Variants in RALYL observed in about 807,000 individuals in gnomAD.
The protein encoded by RALYL is RALY RNA binding protein like.
In RALYL, 29 loss-of-function variants were observed where a neutral mutation model predicts 35.1. The ratio of observed to expected loss-of-function variants is 0.83; its 90% CI spans 0.61 to 1.13. RALYL has a LOEUF of 1.13. Ranked by LOEUF, RALYL falls within the 50% of genes most tolerant of loss-of-function variation. The pLI is 0.00. For missense variants in RALYL, 359 were observed against 360.4 expected (o/e 1.00, Z 0.03); for synonymous variants, 120 against 127.6 (o/e 0.94, Z 0.40).
chr8:84,541,176 C>T (rs2059996183), intron 2 of RALYL, among the ~76,000 whole-genome samples: 1 of 151,540 alleles, frequency 6.6e-6, no homozygotes, highest in Non-Finnish European at 1.5e-5. Flanking sequence ...TTCCTAACTT[C>T]ATGAATGAAG....
At chr8:84,745,542 T>G (rs1808414596) in intron 2 of RALYL, among the ~76,000 whole-genome samples, 1 of 152,032 alleles carries the variant, frequency 6.6e-6, no homozygotes, top group Non-Finnish European at 1.5e-5. Context: ...TGATTCACAG[T>G]GCAAAGAAAA....
intron 1 of RALYL, among the ~76,000 whole-genome samples, chr8:84,494,821 T>C (rs2055809002): frequency 1.3e-5 from 2 of 152,110 alleles, no homozygotes; most frequent in African/African-American, 4.8e-5. Context: ...GTTTTCTAAA[T>C]ATAGGATCGT....
At chr8:84,849,521 A>G (rs1835365973) in intron 4 of RALYL, among the ~76,000 whole-genome samples, 1 of 151,916 alleles carries the variant, frequency 6.6e-6, no homozygotes, top group Middle Eastern at 3.4e-3. Context: ...ATGAAAAACT[A>G]TGGTCTTCAT....
chr8:84,444,185 C>T (rs992332743), intron 1 of RALYL, among the ~76,000 whole-genome samples: 1 of 151,840 alleles, frequency 6.6e-6, no homozygotes, highest in South Asian at 2.1e-4. Context: ...AAATGTTAGC[C>T]GGGCATTGTG....
At position 84,867,962 on chromosome 8, in the gene RALYL, A is replaced by G. The variant is rs536257775; in HGVS notation, c.572-5322A>G. The stretch of plus-strand genomic sequence containing the variant: ...AATTTAAAAATGTGAGATAATTTCA[A>G]TATCAGGTGACAGAACATTTTTACT... On this transcript the variant is annotated intron_variant, in intron 6 of 8. Coordinates refer to ENST00000521268, the MANE Select transcript of RALYL (RefSeq NM_173848.7). Among the ~76,000 whole-genome samples the G allele has an allele frequency of 5.3e-5, 8 of 152,278 alleles. No homozygotes were observed. In the South Asian group the frequency reaches 1.5e-3, roughly 28 times the overall value.
intron 1 of RALYL, among the ~76,000 whole-genome samples, chr8:84,317,879 C>T (rs538586223): frequency 2.0e-5 from 3 of 152,192 alleles, no homozygotes; most frequent in African/African-American, 7.2e-5. Flanking sequence ...TCTTTTTATT[C>T]TCTCTTTCTA....
chr8:84,460,004 C>G (rs2050572635), intron 1 of RALYL, among the ~76,000 whole-genome samples: 1 of 151,596 alleles, frequency 6.6e-6, no homozygotes, highest in Non-Finnish European at 1.5e-5. Flanking sequence ...AAAACAGGAA[C>G]AAGGTTTAAA....
At chr8:84,651,166 G>A (rs868634341) in intron 2 of RALYL, among the ~76,000 whole-genome samples, 2,330 of 151,722 alleles carry the variant, frequency 0.015, 65 homozygotes, top group African/African-American at 0.05. Flanking sequence ...GCACATGTAT[G>A]CATATGTAAC....
intron 1 of RALYL, among the ~76,000 whole-genome samples, chr8:84,481,346 C>A (rs2054018119): frequency 6.6e-6 from 1 of 151,914 alleles, no homozygotes; most frequent in Admixed American, 6.6e-5. Context: ...TTGTTTGTTT[C>A]TGAGACAGGA....
chr8:84,301,364 G>T (rs73296710), intron 1 of RALYL, among the ~76,000 whole-genome samples: 1 of 151,776 alleles, frequency 6.6e-6, no homozygotes, highest in African/African-American at 2.4e-5. Flanking sequence ...ATATTTCTTG[G>T]GAAAGTCATC....
chr8:84,262,997 G>A (rs1832606234), intron 1 of RALYL, among the ~76,000 whole-genome samples: 1 of 152,082 alleles, frequency 6.6e-6, no homozygotes, highest in African/African-American at 2.4e-5. Context: ...ATTGAACTAA[G>A]TCTAGTGTTT....
intron 1 of RALYL, among the ~76,000 whole-genome samples, chr8:84,529,031 C>G (rs1337076520): frequency 1.3e-5 from 2 of 152,094 alleles, no homozygotes; most frequent in Admixed American, 6.5e-5. Context: ...ATAAAAACAA[C>G]TGCAAAATAT....
intron 8 of RALYL, among the ~76,000 whole-genome samples, chr8:84,893,827 T>G (rs1261115202): frequency 1.3e-5 from 2 of 152,206 alleles, no homozygotes; most frequent in African/African-American, 4.8e-5. Context: ...TGAATTCTAC[T>G]TATAATTACT....
intron 2 of RALYL, among the ~76,000 whole-genome samples, chr8:84,662,062 T>TA (rs1332255912): frequency 1.3e-5 from 2 of 152,046 alleles, no homozygotes; most frequent in Non-Finnish European, 2.9e-5. Flanking sequence ...AGTCAATACA[T>TA]AAAAAAGTTT....
chr8:84,423,004 G>A (rs1207722462), intron 1 of RALYL, among the ~76,000 whole-genome samples: 11 of 148,890 alleles, frequency 7.4e-5, no homozygotes, highest in African/African-American at 2.7e-4. Context: ...GTGGTGTGGT[G>A]CTGAAAAAAA....
intron 3 of RALYL, among the ~76,000 whole-genome samples, chr8:84,802,373 C>T (rs1223217467): frequency 2.6e-5 from 4 of 152,294 alleles, no homozygotes; most frequent in Admixed American, 2.6e-4. Flanking sequence ...TATAGAACAT[C>T]ATCAGAACTT....
chr8:84,461,809 G>C (rs559979744), intron 1 of RALYL, among the ~76,000 whole-genome samples: 41 of 151,744 alleles, frequency 2.7e-4, no homozygotes, highest in South Asian at 6.2e-4. Flanking sequence ...TTACATATAA[G>C]TCTTCATCCC....
chr8:84,419,871 T>A (rs569902252), intron 1 of RALYL, among the ~76,000 whole-genome samples: 3 of 150,902 alleles, frequency 2.0e-5, no homozygotes, highest in African/African-American at 7.4e-5. Flanking sequence ...CAAAGGACAT[T>A]AACTCATCAT....
chr8:84,276,546 T>A (rs1835416568), intron 1 of RALYL, among the ~76,000 whole-genome samples: 1 of 152,156 alleles, frequency 6.6e-6, no homozygotes, highest in East Asian at 1.9e-4. Context: ...GAAGCAAAGT[T>A]GAAAATAGGA....
Sources: gnomAD v4.1 joint callset for allele counts (sites outside exome capture counted in the v4.1 genomes callset) on GRCh38, gnomAD v4.1.1 for gene constraint, MANE v1.5 for transcripts, NCBI Gene and HGNC (gene_info 2026-07-23, HGNC 2026-07-21) for gene names.